B3GALT1: variants seen among roughly 807,000 people sequenced by gnomAD.
B3GALT1 encodes UDP-Gal:betaGlcNAc beta 1,3-galactosyltransferase, polypeptide 1.
B3GALT1 carries 10 observed loss-of-function variants against 23.2 expected under a neutral mutation model. The observed-to-expected ratio is 0.43, with a 90% CI of 0.27 to 0.73. The LOEUF (loss-of-function observed/expected upper bound fraction) is 0.73. Among genes scored for constraint, B3GALT1 ranks in the 30% least tolerant of loss-of-function variants. The pLI, the probability that B3GALT1 is intolerant of heterozygous loss-of-function variation, is 0.21. For synonymous variants in B3GALT1, 156 were observed against 141.5 expected (o/e 1.10, Z -0.73); for missense variants, 299 against 405.4 (o/e 0.74, Z 2.25).
rs143312336 is a variant in B3GALT1 at position 167,592,082 on chromosome 2, T to C, written c.-409-54827T>C. Among the ~76,000 whole-genome samples, 103 of 152,278 alleles carry C rather than the reference T, an allele frequency of 6.8e-4. 1 individual carries two copies. Among genetic ancestry groups the C allele is most frequent in the African/African-American group, 2.4e-3 (99 of 41,556 alleles). On this transcript the variant is annotated intron_variant, in intron 2 of 4. Coordinates refer to ENST00000392690, the MANE Select transcript of B3GALT1 (RefSeq NM_020981.4). ...GCCTGAGCTAGAAATGTTACCATTATCTGAGATGGGGAAATCTATGGGAGG... is the reference window on the plus strand; with the variant it reads ...GCCTGAGCTAGAAATGTTACCATTACCTGAGATGGGGAAATCTATGGGAGG...
chr2:167,810,802 A>G (rs928527383), intron 3 of B3GALT1, among the ~76,000 whole-genome samples: 2 of 144,190 alleles, frequency 1.4e-5, no homozygotes, highest in South Asian at 4.2e-4. Flanking sequence ...CCAAGTTGTC[A>G]ATTGTTATCT....
At chr2:167,554,179 G>T (rs1311669856) in intron 2 of B3GALT1, among the ~76,000 whole-genome samples, 1 of 152,182 alleles carries the variant, frequency 6.6e-6, no homozygotes, top group Non-Finnish European at 1.5e-5. Flanking sequence ...TATTGAAAAT[G>T]GGAATAAGAG....
At chr2:167,856,377 C>G (rs1690000026) in intron 4 of B3GALT1, among the ~76,000 whole-genome samples, 1 of 152,116 alleles carries the variant, frequency 6.6e-6, no homozygotes, top group African/African-American at 2.4e-5. Flanking sequence ...GTGCATTGGT[C>G]TCTGATCCAC....
intron 4 of B3GALT1, among the ~76,000 whole-genome samples, chr2:167,819,373 TAA>T (rs1006080713): frequency 5.3e-5 from 8 of 152,352 alleles, no homozygotes; most frequent in Admixed American, 5.2e-4. Flanking sequence ...GTACAGTTAT[TAA>T]AAGTCTCTAA....
chr2:167,722,815 G>A (rs958865031), intron 3 of B3GALT1, among the ~76,000 whole-genome samples: 2 of 152,114 alleles, frequency 1.3e-5, no homozygotes, highest in African/African-American at 2.4e-5. Flanking sequence ...TTAGTGAACC[G>A]GGGACATAAA....
intron 2 of B3GALT1, among the ~76,000 whole-genome samples, chr2:167,514,165 C>T (rs1386749917): frequency 1.3e-5 from 2 of 152,168 alleles, no homozygotes; most frequent in African/African-American, 4.8e-5. Context: ...CCTCAGCCTC[C>T]CAAAGTGCTG....
chr2:167,499,074 A>C (rs1699813750), intron 2 of B3GALT1, among the ~76,000 whole-genome samples: 1 of 152,108 alleles, frequency 6.6e-6, no homozygotes, highest in South Asian at 2.1e-4. Context: ...TTTTATATTA[A>C]AAGAATTCTG....
intron 3 of B3GALT1, among the ~76,000 whole-genome samples, chr2:167,694,168 G>C (rs1237376121): frequency 6.6e-6 from 1 of 152,038 alleles, no homozygotes; most frequent in Admixed American, 6.6e-5. Flanking sequence ...CATCACATTA[G>C]GGGTTAGGGT....
intron 3 of B3GALT1, among the ~76,000 whole-genome samples, chr2:167,655,314 C>T (rs1558938524): frequency 6.6e-6 from 1 of 152,122 alleles, no homozygotes; most frequent in Non-Finnish European, 1.5e-5. Flanking sequence ...TATAGCTCAT[C>T]AGAGCAGAAA....
rs1038735841 is a variant in B3GALT1, at chr2:167,518,139, G to A, written c.-410+27862G>A. Among the ~76,000 whole-genome samples, 3 of 152,120 alleles carry A rather than the reference G, an allele frequency of 2.0e-5. No homozygotes were observed. The South Asian group carries it at 6.2e-4, about 32-fold the overall frequency. On this transcript the variant is annotated intron_variant, in intron 2 of 4. Transcript: ENST00000392690. ...ATTCTCCTTTCATAAGAATTCCATC[G>A]AGGATCCAAATTATGGCCTTTGAAT... is the stretch of plus-strand genomic sequence containing the variant.
chr2:167,647,155 G>A (rs1685760944), intron 3 of B3GALT1, among the ~76,000 whole-genome samples, 189 bp downstream of exon 3: 1 of 152,154 alleles, frequency 6.6e-6, no homozygotes, highest in Non-Finnish European at 1.5e-5. Context: ...TCTCAGAAAG[G>A]AAGTGGCCAT....
At position 167,872,241 on chromosome 2, in the gene B3GALT1, G is replaced by T. The variant is rs139468221; in HGVS notation, c.*2221G>T. The T allele has an allele frequency of 6.6e-6, 1 of 152,044 alleles. No individual in the cohort carries two copies. Among genetic ancestry groups the T allele is most frequent in the South Asian group, 2.1e-4 (1 of 4,824 alleles). 9.4% of individuals were successfully genotyped at this position (152,044 alleles called of 1,614,324 possible). A position where few individuals can be genotyped will look rare whatever the true frequency, so the allele number is the denominator to read the frequency against. ...TTTAACCTGACCCCTGGAGCCCCCC[G>T]TAGGAGTTGATAGCAAACAGATAGA... is the stretch of plus-strand genomic sequence containing the variant. On this transcript the variant is annotated 3_prime_UTR_variant, in exon 5 of 5. Coordinates refer to ENST00000392690, the MANE Select transcript of B3GALT1 (RefSeq NM_020981.4).
At chr2:167,436,622 G>A (rs1005340319) in intron 1 of B3GALT1, among the ~76,000 whole-genome samples, 2 of 152,102 alleles carry the variant, frequency 1.3e-5, no homozygotes, top group African/African-American at 2.4e-5. Context: ...TCCTAGAACA[G>A]TACATTTACT....
chr2:167,713,004 A>G (rs1574226423), intron 3 of B3GALT1, among the ~76,000 whole-genome samples: 1 of 152,366 alleles, frequency 6.6e-6, no homozygotes, highest in East Asian at 1.9e-4. Flanking sequence ...ATATTAGATA[A>G]CAATGAGTCT....
intron 3 of B3GALT1, among the ~76,000 whole-genome samples, chr2:167,672,048 C>A (rs1390605188): frequency 2.0e-5 from 3 of 152,116 alleles, no homozygotes; most frequent in Admixed American, 6.5e-5. Context: ...CCTGGAAACA[C>A]AGTATTGTCA....
chr2:167,637,046 G>C (rs1001092506), intron 2 of B3GALT1, among the ~76,000 whole-genome samples: 2 of 151,890 alleles, frequency 1.3e-5, no homozygotes, highest in African/African-American at 4.8e-5. Context: ...GCTGCTCCCA[G>C]CTACCCTGAT....
chr2:167,515,292 T>C (rs1700082739), intron 2 of B3GALT1, among the ~76,000 whole-genome samples: 1 of 152,192 alleles, frequency 6.6e-6, no homozygotes. Context: ...GATGCACATA[T>C]CTACTTCAAG....
At chr2:167,679,804 C>T (rs547742415) in intron 3 of B3GALT1, among the ~76,000 whole-genome samples, 3 of 152,362 alleles carry the variant, frequency 2.0e-5, no homozygotes, top group Admixed American at 1.3e-4. Flanking sequence ...ATGCCTGGCT[C>T]ATAGTATATA....
chr2:167,746,618 T>C (rs958598759), intron 3 of B3GALT1, among the ~76,000 whole-genome samples: 4 of 152,236 alleles, frequency 2.6e-5, no homozygotes, highest in African/African-American at 9.6e-5. Flanking sequence ...CCCACTCTTC[T>C]TAGCAATGAC....
Sources: gnomAD v4.1 joint callset for allele counts (sites outside exome capture counted in the v4.1 genomes callset) on GRCh38, gnomAD v4.1.1 for gene constraint, MANE v1.5 for transcripts, NCBI Gene and HGNC (gene_info 2026-07-23, HGNC 2026-07-21) for gene names.